PPP2R2B: variants seen among roughly 807,000 people sequenced by gnomAD.
PPP2R2B encodes the protein serine/threonine-protein phosphatase 2A 55 kDa regulatory subunit B beta isoform.
A neutral mutation model predicts 46.0 loss-of-function variants in PPP2R2B; 5 were observed. The observed-to-expected ratio is 0.11, with a 90% CI of 0.06 to 0.23. The LOEUF is 0.23. Among genes scored for constraint, PPP2R2B ranks in the 10% least tolerant of loss-of-function variants. PPP2R2B has a pLI of 1.00. For missense variants in PPP2R2B, 367 were observed against 575.0 expected, an observed-to-expected ratio of 0.64 and a Z score of 3.70; for synonymous variants, 215 against 206.7, an observed-to-expected ratio of 1.04 and a Z score of -0.34.
intron 2 of PPP2R2B, among the ~76,000 whole-genome samples, chr5:147,067,784 A>G (rs889129681): frequency 6.6e-6 from 1 of 152,166 alleles, no homozygotes; most frequent in African/African-American, 2.4e-5. Context: ...ACAGTTACCT[A>G]TTTGTTCATT....
chr5:147,043,095 A>G (rs1383373748), intron 1 of PPP2R2B, among the ~76,000 whole-genome samples: 3 of 152,102 alleles, frequency 2.0e-5, no homozygotes, highest in Admixed American at 1.3e-4. Flanking sequence ...ATAATATATT[A>G]TACACCTGTT....
intron 1 of PPP2R2B, among the ~76,000 whole-genome samples, chr5:147,001,235 C>T (rs566489696): frequency 6.6e-6 from 1 of 152,292 alleles, no homozygotes; most frequent in East Asian, 1.9e-4. Flanking sequence ...TCCCCTTCCA[C>T]GCTGTGGAAG....
At chr5:146,710,307 A>C (rs1780147310) in intron 2 of PPP2R2B, among the ~76,000 whole-genome samples, 1 of 152,196 alleles carries the variant, frequency 6.6e-6, no homozygotes, top group African/African-American at 2.4e-5. Context: ...GATGGTGGGA[A>C]GCAGGTGAGT....
chr5:146,761,254 G>A (rs1189049383), intron 2 of PPP2R2B, among the ~76,000 whole-genome samples: 1 of 152,128 alleles, frequency 6.6e-6, no homozygotes, highest in Non-Finnish European at 1.5e-5. Context: ...GCAAAGACTT[G>A]GAACCAACCC....
At chr5:146,763,678 TC>T (rs1391342931) in intron 2 of PPP2R2B, among the ~76,000 whole-genome samples, 1 of 152,174 alleles carries the variant, frequency 6.6e-6, no homozygotes, top group African/African-American at 2.4e-5. Flanking sequence ...CAAGCACCTG[TC>T]ATGTGCCACC....
At chr5:146,914,874 C>G (rs940098538) in intron 1 of PPP2R2B, among the ~76,000 whole-genome samples, 1 of 152,198 alleles carries the variant, frequency 6.6e-6, no homozygotes, top group Non-Finnish European at 1.5e-5. Flanking sequence ...AAGTCTTTCT[C>G]TAGCTCAAAT....
At chr5:146,829,350 G>T (rs913127533) in intron 2 of PPP2R2B, among the ~76,000 whole-genome samples, 3 of 152,174 alleles carry the variant, frequency 2.0e-5, no homozygotes, top group African/African-American at 4.8e-5. Flanking sequence ...GGTTGCCAAA[G>T]AAATGTGGGT....
At chr5:146,959,159 A>G (rs1169624971) in intron 1 of PPP2R2B, among the ~76,000 whole-genome samples, 1 of 152,186 alleles carries the variant, frequency 6.6e-6, no homozygotes, top group African/African-American at 2.4e-5. Context: ...TTCTAAGTCT[A>G]AAGTCTTTGC....
chr5:146,593,160 T>C, intron 8 of PPP2R2B, 98 bp from the exon 9 acceptor site: 1 of 1,038,572 alleles, frequency 9.6e-7, no homozygotes, highest in East Asian at 2.4e-5. Flanking sequence ...AAATCTTTCA[T>C]TGTACATGCT....
chr5:146,936,099 A>G (rs1433926264), intron 1 of PPP2R2B, among the ~76,000 whole-genome samples: 5 of 152,198 alleles, frequency 3.3e-5, no homozygotes, highest in Admixed American at 1.3e-4. Flanking sequence ...GGAATAATGT[A>G]TCAGGAAAGT....
chr5:147,054,355 T>G (rs720303), intron 1 of PPP2R2B, among the ~76,000 whole-genome samples: 2 of 151,982 alleles, frequency 1.3e-5, no homozygotes, highest in South Asian at 2.1e-4. Flanking sequence ...CCATGCCATT[T>G]TTTCATTCCT....
intron 5 of PPP2R2B, among the ~76,000 whole-genome samples, chr5:146,656,940 C>T (rs1173743705): frequency 2.6e-5 from 4 of 152,188 alleles, no homozygotes; most frequent in African/African-American, 9.7e-5. Flanking sequence ...TCCCGCCTCT[C>T]CTCTTGGGAA....
At chr5:146,738,964 C>A (rs1195263180) in intron 2 of PPP2R2B, among the ~76,000 whole-genome samples, 1 of 152,058 alleles carries the variant, frequency 6.6e-6, no homozygotes, top group African/African-American at 2.4e-5. Context: ...AATGAAGACA[C>A]ATACATTGTA....
chr5:146,938,995 G>A (rs1440130218), intron 1 of PPP2R2B, among the ~76,000 whole-genome samples: 1 of 151,912 alleles, frequency 6.6e-6, no homozygotes, highest in African/African-American at 2.4e-5. Context: ...TGCCCAGGCT[G>A]GTCTCGAACT....
At chr5:146,597,850 C>T (rs1771341890) in intron 8 of PPP2R2B, among the ~76,000 whole-genome samples, 1 of 152,188 alleles carries the variant, frequency 6.6e-6, no homozygotes, top group Admixed American at 6.5e-5. Flanking sequence ...AACTACTCTC[C>T]TTCCTTTGAT....
At chr5:146,590,873 T>C (rs1268111913) in intron 9 of PPP2R2B, among the ~76,000 whole-genome samples, 1 of 152,166 alleles carries the variant, frequency 6.6e-6, no homozygotes, top group Non-Finnish European at 1.5e-5. Flanking sequence ...AATTCAAATT[T>C]TAAAAGAATC....
chr5:146,953,624 C>A (rs1190423228), intron 1 of PPP2R2B, among the ~76,000 whole-genome samples: 1 of 152,056 alleles, frequency 6.6e-6, no homozygotes, highest in African/African-American at 2.4e-5. Flanking sequence ...ATGAATCCCA[C>A]CAAGTGAAGA....
chr5:146,931,547 T>C (rs2151822241), intron 1 of PPP2R2B, among the ~76,000 whole-genome samples: 1 of 152,320 alleles, frequency 6.6e-6, no homozygotes, highest in Non-Finnish European at 1.5e-5. Context: ...TCAGATGTCA[T>C]CTTCCTTCCT....
intron 2 of PPP2R2B, among the ~76,000 whole-genome samples, chr5:146,806,754 C>A (rs1419694311): frequency 6.6e-6 from 1 of 152,206 alleles, no homozygotes; most frequent in East Asian, 1.9e-4. Flanking sequence ...AATCTCTGCC[C>A]TTTTTTATCC....
Sources: gnomAD v4.1 joint callset for allele counts (sites outside exome capture counted in the v4.1 genomes callset) on GRCh38, gnomAD v4.1.1 for gene constraint, MANE v1.5 for transcripts, NCBI Gene and HGNC (gene_info 2026-07-23, HGNC 2026-07-21) for gene names.